Variants in KRT31 observed in about 807,000 individuals in gnomAD.
The protein encoded by KRT31 is keratin, type I cuticular Ha1.
Under a neutral mutation model 40.8 loss-of-function variants are expected in KRT31, and 27 were observed. The ratio of observed to expected loss-of-function variants is 0.66; its 90% confidence interval spans 0.49 to 0.91. The LOEUF is 0.91. Ranked by LOEUF, KRT31 falls within the 40% of genes least tolerant of loss-of-function variation. KRT31 has a pLI of 0.00. For missense variants in KRT31, 510 were observed against 544.1 expected (o/e 0.94, Z 0.62); for synonymous variants, 231 against 231.9 (o/e 1.00, Z 0.03).
Position 41,395,616 on chromosome 17 carries a change from T to C in KRT31, c.596A>G (p.Asn199Ser), listed in dbSNP as rs1252112844. 2.5e-6 allele frequency: 4 copies of C among 1,613,892 alleles called. No homozygotes were observed. Among genetic ancestry groups the C allele is most frequent in the Non-Finnish European group, 3.4e-6 (4 of 1,179,930 alleles). The change falls in exon 4 of 7, where the codon AAT becomes AGT. Residue 199 changes from asparagine (N) to serine (S), a missense_variant. By Grantham distance (46) the Asn-to-Ser change is conservative. Transcript: ENST00000251645. ...CLKSNHEQEV[N>S]TLRCQLGDRL... ...GTCTCCAAGCTGGCAGCGCAGGGTA[T>C]TGACCTCCTATGGATGCAGAAAATA...
rs1306337602 is a variant in KRT31 at position 41,395,631 on chromosome 17, T to G, written c.589-8A>C. ...GCGCAGGGTATTGACCTCCTATGGA[T>G]GCAGAAAATACAAGAGTTACTATGC... On this transcript the variant is annotated splice_polypyrimidine_tract_variant and splice_region_variant and intron_variant, in intron 3 of 6. Coordinates refer to ENST00000251645, the MANE Select transcript of KRT31 (RefSeq NM_002277.3). The G allele has an allele frequency of 6.2e-7, 1 of 1,612,650 alleles. No individual in the cohort carries two copies. The highest frequency in any genetic ancestry group is 1.7e-5 in the Admixed American group (1 of 59,726).
At chr17:41,396,366 A>T in intron 3 of KRT31, 54 bp downstream of exon 3, 3 of 1,569,108 alleles carry the variant, frequency 1.9e-6, no homozygotes, top group Non-Finnish European at 2.6e-6. Context: ...TCACTAAAGC[A>T]ACCCTGAGCC....
chr17:41,395,595 C>A lies in KRT31; in HGVS notation c.617G>T (p.Gly206Val). ...QEVNTLRCQL[G>V]DRLNVEVDAA... ...ATCCACCTCCACATTGAGGCGGTCT[C>A]CAAGCTGGCAGCGCAGGGTATTGAC... is the stretch of plus-strand genomic sequence containing the variant. The change falls in exon 4 of 7, where the codon GGA becomes GTA. Residue 206 changes from glycine (G) to valine (V), a missense_variant. By Grantham distance (109) the Gly-to-Val change is moderately radical. Coordinates refer to ENST00000251645, the MANE Select transcript of KRT31 (RefSeq NM_002277.3). 6.2e-7 allele frequency: 1 copy of A among 1,614,218 alleles called. No individual in the cohort carries two copies. The highest frequency in any genetic ancestry group is 8.5e-7 in the Non-Finnish European group (1 of 1,180,032).
Position 41,394,903 on chromosome 17 carries a change from G to A in KRT31, c.1042C>T (p.Arg348Trp), listed in dbSNP as rs141715467. Residue 348 changes from arginine (R) to tryptophan (W), a missense_variant, in exon 6 of 7, where the codon CGG (arginine) becomes TGG (tryptophan). Transcript: ENST00000251645. The part of the protein sequence containing the change: ...EYQVLLDVRA[R>W]LECEINTYRS... ...TATGTGTTGATCTCACACTCCAGCC[G>A]GGCACGCACATCCAGCAGCACCTGG... 34 of 1,613,500 alleles carry A rather than the reference G, an allele frequency of 2.1e-5. No individual in the cohort carries two copies. The highest frequency in any genetic ancestry group is 1.1e-4 in the African/African-American group (8 of 74,716).
chr17:41,395,385 G>T lies in KRT31; in HGVS notation c.751-15C>A, dbSNP rs1463209081. The T allele has an allele frequency of 3.7e-6, 6 of 1,614,034 alleles. No individual in the cohort carries two copies. In the East Asian group the frequency reaches 6.7e-5, roughly 18 times the overall value. ...AGCTCCTCGGTCTGAAACACCCAAG[G>T]GGAGAAAGGATCAGACCCTGCCTCC... On this transcript the variant is annotated splice_polypyrimidine_tract_variant and intron_variant, in intron 4 of 6. Coordinates refer to ENST00000251645, the MANE Select transcript of KRT31 (RefSeq NM_002277.3).
chr17:41,395,048 C>T lies in KRT31; in HGVS notation c.897G>A (p.Thr299=), dbSNP rs576563180. ...TGTAGCGGGCCTCACTCTCTGTCAG[C>T]GTGTTTTCCAGAGAGTCTCGCTGTG... ...QHNLRDSLEN[T]LTESEARYSS... Residue 299 remains threonine, a synonymous_variant, in exon 6 of 7, where the codon ACG becomes ACA. Coordinates refer to ENST00000251645, the MANE Select transcript of KRT31 (RefSeq NM_002277.3). 21 of 1,614,114 alleles carry T rather than the reference C, an allele frequency of 1.3e-5. No homozygotes were observed. The highest frequency in any genetic ancestry group is 4.5e-5 in the East Asian group (2 of 44,900).
At chr17:41,394,783 A>G (rs1471446180) in intron 6 of KRT31, 65 bp downstream of exon 6, 8 of 1,595,744 alleles carry the variant, frequency 5.0e-6, no homozygotes, top group East Asian at 2.2e-5. Context: ...CAATATTTGC[A>G]TGGTGTCTAA....
At position 41,394,894 on chromosome 17, in the gene KRT31, A is replaced by G. The variant is rs768309821; in HGVS notation, c.1051T>C (p.Cys351Arg). The G allele has an allele frequency of 2.4e-5, 39 of 1,612,834 alleles. No homozygotes were observed. Among genetic ancestry groups the G allele is most frequent in the Admixed American group, 3.3e-5 (2 of 59,892 alleles). The part of the protein sequence containing the change: ...VLLDVRARLE[C>R]EINTYRSLLE... ...AGGCTCCGGTATGTGTTGATCTCAC[A>G]CTCCAGCCGGGCACGCACATCCAGC... Residue 351 changes from cysteine to arginine, a missense_variant, in exon 6 of 7, where the codon TGT becomes CGT. Physicochemically the swap from Cys to Arg is radical, Grantham distance 180. Coordinates refer to ENST00000251645, the MANE Select transcript of KRT31 (RefSeq NM_002277.3).
Position 41,394,009 on chromosome 17 carries a change from C to T in KRT31, c.*7G>A. 3.7e-6 allele frequency: 6 copies of T among 1,612,536 alleles called. No individual in the cohort carries two copies. Among genetic ancestry groups the T allele is most frequent in the Non-Finnish European group, 5.1e-6 (6 of 1,179,612 alleles). The stretch of plus-strand genomic sequence containing the variant: ...TGCATCCTTGCTCCTCTGGCATTCC[C>T]TAGGTTCTAGCGCACGAAGGAATTG... On this transcript the variant is annotated 3_prime_UTR_variant, in exon 7 of 7. Coordinates refer to ENST00000251645, the MANE Select transcript of KRT31 (RefSeq NM_002277.3).
At chr17:41,396,361 A>G (rs1187367989) in intron 3 of KRT31, 59 bp downstream of exon 3, 16 of 1,551,188 alleles carry the variant, frequency 1.0e-5, no homozygotes, top group Non-Finnish European at 1.2e-5. Context: ...CCAAATCACT[A>G]AAGCAACCCT....
rs2018214112 is a variant in KRT31 at position 41,395,625 on chromosome 17, T to C, written c.589-2A>G. The C allele has an allele frequency of 6.2e-7, 1 of 1,612,850 alleles. No individual in the cohort carries two copies. Among genetic ancestry groups the C allele is most frequent in the Admixed American group, 1.7e-5 (1 of 59,752 alleles). ...CTGGCAGCGCAGGGTATTGACCTCC[T>C]ATGGATGCAGAAAATACAAGAGTTA... On this transcript the variant is annotated splice_acceptor_variant, in intron 3 of 6. Transcript: ENST00000251645. LOFTEE classifies it high-confidence loss of function.
At chr17:41,397,098 A>G in intron 1 of KRT31, 94 bp downstream of exon 1, 2 of 1,581,800 alleles carry the variant, frequency 1.3e-6, no homozygotes, top group Non-Finnish European at 1.7e-6. Flanking sequence ...GGAAGCAAGA[A>G]TTATGACAGC....
rs540696172 is a variant in KRT31, at chr17:41,395,716, T to A, written c.589-93A>T. On this transcript the variant is annotated intron_variant, in intron 3 of 6. Transcript: ENST00000251645. ...TTGTTGAAACCCTGTTAGTCTATTT[T>A]CTCGGAAAAGAAACTTTGAGTGGAG... The A allele has an allele frequency of 4.1e-6, 6 of 1,450,174 alleles. No homozygotes were observed. The African/African-American group carries it at 7.1e-5, about 17-fold the overall frequency. 89.8% of individuals were successfully genotyped at this position (1,450,174 alleles called of 1,614,324 possible).
At position 41,395,460 on chromosome 17, in the gene KRT31, A is replaced by G; in HGVS notation, c.750+2T>C. The G allele has an allele frequency of 4.3e-6, 7 of 1,614,050 alleles. No individual in the cohort carries two copies. Among genetic ancestry groups the G allele is most frequent in the Non-Finnish European group, 5.9e-6 (7 of 1,179,974 alleles). ...TGAGGGGCCACGTGCTTAGATGCCC[A>G]CCTGCGTGGTGAACCATTGCTCCAC... On this transcript the variant is annotated splice_donor_variant, in intron 4 of 6. Transcript: ENST00000251645. LOFTEE classifies it high-confidence loss of function.
chr17:41,396,258 T>C (rs186805836), intron 3 of KRT31, among the ~76,000 whole-genome samples, 162 bp downstream of exon 3: 1 of 152,358 alleles, frequency 6.6e-6, no homozygotes, highest in African/African-American at 2.4e-5. Context: ...TCTGGGAACA[T>C]GAACAGGTCT....
chr17:41,397,043 T>C lies in KRT31; in HGVS notation c.349-48A>G, dbSNP rs771509354. Reference sequence around the variant, plus strand: ...GTGAGGACTGAAAATAAATATGAAATCATCAACTTTTTAAAAATGACTTAA... The same window carrying C: ...GTGAGGACTGAAAATAAATATGAAACCATCAACTTTTTAAAAATGACTTAA... On this transcript the variant is annotated intron_variant, in intron 1 of 6. Transcript: ENST00000251645. The C allele has an allele frequency of 3.2e-6, 5 of 1,581,514 alleles. No homozygotes were observed. In the South Asian group the frequency reaches 4.5e-5, roughly 14 times the overall value.
Position 41,397,560 on chromosome 17 carries a change from G to A in KRT31, c.-21C>T, listed in dbSNP as rs776903145. 6.2e-6 allele frequency: 6 copies of A among 971,242 alleles called. No individual in the cohort carries two copies. Among genetic ancestry groups the A allele is most frequent in the South Asian group, 1.3e-5 (1 of 75,302 alleles). 60.2% of individuals were successfully genotyped at this position (971,242 alleles called of 1,614,324 possible). On this transcript the variant is annotated 5_prime_UTR_variant, in exon 1 of 7. Transcript: ENST00000251645. ...GGCATAGTGCTGGGAGGGAGGGAGGGAGTGCCTGGCTGAAGACAGAGTCTA... is the reference window on the plus strand; with the variant it reads ...GGCATAGTGCTGGGAGGGAGGGAGGAAGTGCCTGGCTGAAGACAGAGTCTA...
chr17:41,396,961 A>G lies in KRT31; in HGVS notation c.383T>C (p.Val128Ala), dbSNP rs199832301. The G allele has an allele frequency of 2.5e-6, 4 of 1,614,078 alleles. No individual in the cohort carries two copies. The highest frequency in any genetic ancestry group is 3.4e-6 in the Non-Finnish European group (4 of 1,180,024). Residue 128 changes from valine (V) to alanine (A), a missense_variant, in exon 2 of 7, where the codon GTG becomes GCG. Physicochemically the swap from Val to Ala is moderately conservative, Grantham distance 64. Coordinates refer to ENST00000251645, the MANE Select transcript of KRT31 (RefSeq NM_002277.3). ...CAGCTTGGCGTTGTCGATCTGCACC[A>G]CAAGCCTGGCATTCTCAGACTTGGT... ...LCTKSENARLVVQIDNAKLAA... is the reference protein window; with the variant it reads ...LCTKSENARLAVQIDNAKLAA...
At position 41,393,737 on chromosome 17, in the gene KRT31, T is replaced by C. The variant is rs2018171255; in HGVS notation, c.*279A>G. On this transcript the variant is annotated 3_prime_UTR_variant, in exon 7 of 7. Coordinates refer to ENST00000251645, the MANE Select transcript of KRT31 (RefSeq NM_002277.3). ...AAAGGCATCTGCTTTGCCAAGGAAA[T>C]GATATTTATTAGGAGGTTAAAAGGG... is the stretch of plus-strand genomic sequence containing the variant. 2.3e-6 allele frequency: 1 copy of C among 439,092 alleles called. No individual in the cohort carries two copies. Among genetic ancestry groups the C allele is most frequent in the Non-Finnish European group, 4.0e-6 (1 of 250,954 alleles). 27.2% of individuals were successfully genotyped at this position (439,092 alleles called of 1,614,324 possible).
Sources: gnomAD v4.1 joint callset for allele counts (sites outside exome capture counted in the v4.1 genomes callset) on GRCh38, gnomAD v4.1.1 for gene constraint, MANE v1.5 for transcripts, NCBI Gene and HGNC (gene_info 2026-07-23, HGNC 2026-07-21) for gene names.